Variants in DTNBP1 observed in about 807,000 individuals in gnomAD.
DTNBP1 encodes dysbindin.
A neutral mutation model predicts 42.8 loss-of-function variants in DTNBP1; 35 were observed. The observed-to-expected ratio is 0.82, with a 90% CI of 0.63 to 1.09. The LOEUF is 1.09. Ranked by LOEUF, DTNBP1 falls within the 50% of genes least tolerant of loss-of-function variation. DTNBP1 has a pLI of 0.00. For synonymous variants in DTNBP1, 171 were observed against 162.2 expected (o/e 1.05, Z -0.41); for missense variants, 457 against 424.2 (o/e 1.08, Z -0.68).
intron 6 of DTNBP1, among the ~76,000 whole-genome samples, chr6:15,598,270 A>T (rs933594072): frequency 8.5e-5 from 13 of 152,222 alleles, no homozygotes; most frequent in African/African-American, 3.1e-4. Context: ...CAGACTGAAG[A>T]TGAAAACTTA....
At chr6:15,635,824 T>A (rs916835416) in intron 4 of DTNBP1, among the ~76,000 whole-genome samples, 2 of 152,238 alleles carry the variant, frequency 1.3e-5, no homozygotes, top group Non-Finnish European at 2.9e-5. Context: ...TCTTTTGGGT[T>A]TGTAATTTCA....
At chr6:15,617,180 T>C (rs139298599) in intron 5 of DTNBP1, among the ~76,000 whole-genome samples, 33 of 152,060 alleles carry the variant, frequency 2.2e-4, no homozygotes, top group African/African-American at 8.0e-4. Context: ...GGATGAAAGA[T>C]CTCTACAAGA....
chr6:15,633,301 A>G (rs1378549107), intron 4 of DTNBP1, among the ~76,000 whole-genome samples: 1 of 152,242 alleles, frequency 6.6e-6, no homozygotes, highest in Non-Finnish European at 1.5e-5. Flanking sequence ...TGCCATAGAT[A>G]GAAGTTCCTT....
chr6:15,523,564 T>C, intron 9 of DTNBP1: 4 of 769,708 alleles, frequency 5.2e-6, no homozygotes, highest in Non-Finnish European at 7.0e-6. Context: ...CTAGATTTCT[T>C]TTTTTTTTTT....
At chr6:15,617,693 C>A (rs983037301) in intron 5 of DTNBP1, among the ~76,000 whole-genome samples, 11 of 151,956 alleles carry the variant, frequency 7.2e-5, no homozygotes, top group Admixed American at 7.2e-4. Flanking sequence ...TGAAACTAGA[C>A]CCCTAACGTT....
At chr6:15,606,509 C>G (rs1439215405) in intron 6 of DTNBP1, among the ~76,000 whole-genome samples, 2 of 152,154 alleles carry the variant, frequency 1.3e-5, no homozygotes, top group African/African-American at 4.8e-5. Flanking sequence ...CAATCTCCTT[C>G]TCAACTCCAA....
chr6:15,662,844 A>C lies in DTNBP1; in HGVS notation c.26T>G (p.Leu9Arg), dbSNP rs751874798. 6.2e-7 allele frequency: 1 copy of C among 1,609,238 alleles called. No individual in the cohort carries two copies. Among genetic ancestry groups the C allele is most frequent in the Non-Finnish European group, 8.5e-7 (1 of 1,179,480 alleles). MLETLRERLLSVQQDFTSG... is the reference protein window; with the variant it reads MLETLRERRLSVQQDFTSG... ...GGTGAAATCCTGCTGCACGCTCAGC[A>C]GCCGCTCGCGAAGGGTCTCCAGCAT... is the stretch of plus-strand genomic sequence containing the variant. The change falls in exon 1 of 10, where the codon CTG becomes CGG. Residue 9 changes from leucine (L) to arginine (R), a missense_variant. Physicochemically the swap from Leu to Arg is moderately radical, Grantham distance 102. Coordinates refer to ENST00000344537, the MANE Select transcript of DTNBP1 (RefSeq NM_032122.5).
At chr6:15,560,374 T>G (rs1774777506) in intron 7 of DTNBP1, among the ~76,000 whole-genome samples, 2 of 152,252 alleles carry the variant, frequency 1.3e-5, no homozygotes. Flanking sequence ...CAACTACTTT[T>G]GCACCAATTG....
intron 7 of DTNBP1, among the ~76,000 whole-genome samples, chr6:15,548,761 G>A (rs1774038005): frequency 6.6e-6 from 1 of 152,052 alleles, no homozygotes; most frequent in Admixed American, 6.5e-5. Context: ...AAAGAAGGCA[G>A]TTAATATGTC....
intron 7 of DTNBP1, chr6:15,585,842 T>C: frequency 6.7e-7 from 1 of 1,490,436 alleles, no homozygotes; most frequent in Non-Finnish European, 8.9e-7. Context: ...TGCCCTCACG[T>C]GCATCTTCTG....
intron 7 of DTNBP1, among the ~76,000 whole-genome samples, chr6:15,569,043 C>A (rs1428478782): frequency 6.6e-6 from 1 of 152,172 alleles, no homozygotes; most frequent in Non-Finnish European, 1.5e-5. Context: ...CACAGGCTAA[C>A]AAGAATTACA....
At chr6:15,613,646 G>A (rs1342934383) in intron 6 of DTNBP1, among the ~76,000 whole-genome samples, 2 of 151,988 alleles carry the variant, frequency 1.3e-5, no homozygotes, top group African/African-American at 4.8e-5. Flanking sequence ...GATTACAGGC[G>A]TGAGCCACTG....
chr6:15,605,731 G>A (rs537589015), intron 6 of DTNBP1, among the ~76,000 whole-genome samples: 21 of 152,048 alleles, frequency 1.4e-4, no homozygotes, highest in African/African-American at 4.8e-4. Flanking sequence ...CTTTCTTTAC[G>A]AAAAATGTAT....
Position 15,651,317 on chromosome 6 carries a change from T to C in DTNBP1, c.157A>G (p.Ser53Gly). The C allele has an allele frequency of 6.2e-7, 1 of 1,611,586 alleles. No individual in the cohort carries two copies. Residue 53 changes from serine to glycine, a missense_variant, in exon 3 of 10, where the codon AGC (serine) becomes GGC (glycine). By Grantham distance (56) the Ser-to-Gly change is moderately conservative. Transcript: ENST00000344537. ...CTCTACAAATGAAACACTTACCTGC[T>C]AAGTAATTCTAATCCAGCAGAGTAC... ...PKYSAGLELL[S>G]RYEDTWAALH...
rs1047631 is a variant in DTNBP1 at position 15,522,870 on chromosome 6, T to C, written c.*105A>G. 227,973 of 1,584,464 alleles carry C rather than the reference T, an allele frequency of 0.14. 17,220 individuals carry two copies. Among genetic ancestry groups the C allele is most frequent in the African/African-American group, 0.18 (13,716 of 74,214 alleles). On this transcript the variant is annotated 3_prime_UTR_variant, in exon 10 of 10. Coordinates refer to ENST00000344537, the MANE Select transcript of DTNBP1 (RefSeq NM_032122.5). ...GTTTCTCACACATTATTGGCAATTA[T>C]GTAAAAATCAAGAACCTCTATAAAA...
rs1228551423 is a variant in DTNBP1, at chr6:15,587,763, T to G, written c.511+5296A>C. Among the ~76,000 whole-genome samples the G allele has an allele frequency of 1.3e-5, 2 of 151,994 alleles. No homozygotes were observed. Among genetic ancestry groups the G allele is most frequent in the African/African-American group, 4.8e-5 (2 of 41,350 alleles). ...AACTGAATATCGATACGTAAAAAAA[T>G]GAAGGTAGACTTTTAACTCACACGA... is the stretch of plus-strand genomic sequence containing the variant. On this transcript the variant is annotated intron_variant, in intron 7 of 9. Transcript: ENST00000344537. This position sits in a 1 kb window ranked among gnomAD's most constrained non-coding sequence, Gnocchi z 4.1.
At chr6:15,573,348 T>C (rs1775419662) in intron 7 of DTNBP1, among the ~76,000 whole-genome samples, 2 of 152,174 alleles carry the variant, frequency 1.3e-5, no homozygotes, top group South Asian at 4.1e-4. Flanking sequence ...ATCAAATCAA[T>C]AACATTTCTG....
intron 7 of DTNBP1, among the ~76,000 whole-genome samples, chr6:15,561,990 A>G (rs1774865661): frequency 6.6e-6 from 1 of 152,238 alleles, no homozygotes; most frequent in Non-Finnish European, 1.5e-5. Flanking sequence ...TATGTTCAGA[A>G]GTTACTCTGT....
chr6:15,583,276 C>T (rs1316293147), intron 7 of DTNBP1, among the ~76,000 whole-genome samples: 2 of 152,216 alleles, frequency 1.3e-5, no homozygotes, highest in African/African-American at 4.8e-5. Flanking sequence ...AGCCACTGCT[C>T]CCACCCATAT....
Sources: allele counts gnomAD v4.1 joint callset (sites outside exome capture counted in the v4.1 genomes callset), GRCh38; gene constraint gnomAD v4.1.1; non-coding constraint Gnocchi (gnomAD v3.1); transcripts MANE v1.5; gene names NCBI Gene and HGNC (gene_info 2026-07-23, HGNC 2026-07-21).